Variants in PCDHA4 observed in about 807,000 individuals in gnomAD.
The protein encoded by PCDHA4 is protocadherin alpha 4, also known as protocadherin alpha-4.
PCDHA4 carries 49 observed loss-of-function variants against 61.4 expected under a neutral mutation model. The observed-to-expected ratio is 0.80, with a 90% CI of 0.63 to 1.01. PCDHA4 has a LOEUF of 1.01. Ranked by LOEUF, PCDHA4 falls within the 50% of genes least tolerant of loss-of-function variation. The pLI is 0.00. For synonymous variants in PCDHA4, 590 were observed against 550.3 expected (o/e 1.07, Z -1.01); for missense variants, 1,254 against 1,235.8 (o/e 1.01, Z -0.22).
At chr5:140,830,392 G>A (rs2150186002) in intron 1 of PCDHA4, 2 of 1,614,160 alleles carry the variant, frequency 1.2e-6, no homozygotes, top group South Asian at 1.1e-5. Context: ...CACCCAAGAT[G>A]GATCTCATGG....
At chr5:140,943,826 GA>G (rs1186583699) in intron 1 of PCDHA4, among the ~76,000 whole-genome samples, 5 of 152,198 alleles carry the variant, frequency 3.3e-5, no homozygotes, top group African/African-American at 1.2e-4. Flanking sequence ...AAAATGAGTT[GA>G]TTGAAGTTGT....
In PCDHA4 at chr5:140,807,736, A is replaced by G. The variant is rs1764020545; in HGVS notation, c.549A>G (p.Pro183=). The change falls in exon 1 of 4, where the codon CCA becomes CCG. Residue 183 remains proline (P), a synonymous_variant. Transcript: ENST00000530339. Reference sequence around the variant, plus strand: ...ATGAATACTTTTCTCTGGAAAAACCACCTGATGACGAGCTGGTAAAAGGTC... The same window carrying G: ...ATGAATACTTTTCTCTGGAAAAACCGCCTGATGACGAGCTGGTAAAAGGTC... The part of the protein sequence containing the change: ...SPNEYFSLEK[P]PDDELVKGLG... 6.2e-7 allele frequency: 1 copy of G among 1,614,186 alleles called. No individual in the cohort carries two copies. Among genetic ancestry groups the G allele is most frequent in the African/African-American group, 1.3e-5 (1 of 75,046 alleles).
chr5:140,956,009 C>G (rs1479377959), intron 1 of PCDHA4, among the ~76,000 whole-genome samples: 1 of 152,192 alleles, frequency 6.6e-6, no homozygotes, highest in Non-Finnish European at 1.5e-5. Context: ...TATCCTGAGA[C>G]TTTGCTGAAG....
intron 1 of PCDHA4, among the ~76,000 whole-genome samples, chr5:140,889,031 A>C (rs1234867332): frequency 6.6e-6 from 1 of 152,012 alleles, no homozygotes; most frequent in African/African-American, 2.4e-5. Flanking sequence ...GGATAACCGT[A>C]ATTTGATTAT....
intron 1 of PCDHA4, among the ~76,000 whole-genome samples, chr5:140,826,067 T>C (rs2150142384): frequency 9.2e-5 from 14 of 152,216 alleles, no homozygotes; most frequent in Non-Finnish European, 1.5e-4. Flanking sequence ...TTTATTCTCA[T>C]ATGCATTCAA....
At chr5:140,862,509 T>C in intron 1 of PCDHA4, 1 of 405,718 alleles carries the variant, frequency 2.5e-6, no homozygotes, top group Non-Finnish European at 5.0e-6. Context: ...GGGGACTCGC[T>C]TTCATTGTTG....
chr5:140,969,880 A>G (rs1365035569), intron 1 of PCDHA4, among the ~76,000 whole-genome samples: 2 of 152,238 alleles, frequency 1.3e-5, no homozygotes, highest in Non-Finnish European at 2.9e-5. Flanking sequence ...CCTATGTGAT[A>G]GGATCCTCTG....
chr5:140,923,142 T>C (rs553287064), intron 1 of PCDHA4, among the ~76,000 whole-genome samples: 9 of 152,006 alleles, frequency 5.9e-5, no homozygotes, highest in Non-Finnish European at 1.2e-4. Context: ...AGGTGGAATA[T>C]AAAAAAAATT....
intron 1 of PCDHA4, chr5:140,843,825 C>T: frequency 8.4e-7 from 1 of 1,188,044 alleles, no homozygotes; most frequent in Non-Finnish European, 1.2e-6. Flanking sequence ...AAAATTTAAA[C>T]ATTGTTTAGT....
chr5:140,842,284 C>T (rs2150333443), intron 1 of PCDHA4: 8 of 1,610,320 alleles, frequency 5.0e-6, no homozygotes, highest in Admixed American at 1.7e-5. Context: ...TCCTCATTGA[C>T]GCCACGGACA....
At chr5:140,875,457 G>T in intron 1 of PCDHA4, 3 of 1,595,968 alleles carry the variant, frequency 1.9e-6, no homozygotes, top group Non-Finnish European at 2.6e-6. Flanking sequence ...CAACTCAGAG[G>T]CCCTCATTTT....
intron 1 of PCDHA4, chr5:140,822,088 C>A (rs2150113619): frequency 6.2e-7 from 1 of 1,614,256 alleles, no homozygotes; most frequent in Non-Finnish European, 8.5e-7. Flanking sequence ...CAGCATCCAC[C>A]TGGAGGTGAT....
intron 1 of PCDHA4, chr5:140,870,919 CT>C (rs1562653796): frequency 5.6e-6 from 9 of 1,613,952 alleles, no homozygotes; most frequent in Non-Finnish European, 7.6e-6. Flanking sequence ...CAACGCGTGG[CT>C]TTCATATGAA....
At chr5:140,830,011 G>A (rs554678736) in intron 1 of PCDHA4, 2 of 1,613,794 alleles carry the variant, frequency 1.2e-6, no homozygotes, top group African/African-American at 1.3e-5. Flanking sequence ...TGGACGAAGC[G>A]GACTCTCCGC....
At chr5:141,002,232 A>G (rs2098067070) in intron 3 of PCDHA4, among the ~76,000 whole-genome samples, 2 of 152,226 alleles carry the variant, frequency 1.3e-5, no homozygotes, top group African/African-American at 4.8e-5. Flanking sequence ...GTTTTCTGGA[A>G]GCTCTTTATT....
At chr5:140,825,720 C>T (rs1554130338) in intron 1 of PCDHA4, 1 of 152,170 alleles carries the variant, frequency 6.6e-6, no homozygotes, top group African/African-American at 2.4e-5. Flanking sequence ...TCGCGCCTGG[C>T]CTAAATTATT....
Position 141,010,227 on chromosome 5 carries a change from C to T in PCDHA4, c.*290C>T. 6.4e-7 allele frequency: 1 copy of T among 1,551,876 alleles called. No homozygotes were observed. The highest frequency in any genetic ancestry group is 8.7e-7 in the Non-Finnish European group (1 of 1,147,036). On this transcript the variant is annotated 3_prime_UTR_variant, in exon 4 of 4. Coordinates refer to ENST00000530339, the MANE Select transcript of PCDHA4 (RefSeq NM_018907.4). ...GCCGCAAAGGAGAGGCTTCCCAGCC[C>T]CGCCAGTGAGAGGTTGGACTCTCTG...
chr5:140,829,207 T>C, intron 1 of PCDHA4: 2 of 1,614,192 alleles, frequency 1.2e-6, no homozygotes, highest in Non-Finnish European at 1.7e-6. Flanking sequence ...TCGCCCTAAT[T>C]AGCGTGAACG....
At chr5:140,942,434 T>C (rs2093297092) in intron 1 of PCDHA4, among the ~76,000 whole-genome samples, 1 of 151,244 alleles carries the variant, frequency 6.6e-6, no homozygotes, top group African/African-American at 2.4e-5. Flanking sequence ...TATCTAACAA[T>C]AAACAAGTAA....
Sources: allele counts gnomAD v4.1 joint callset (sites outside exome capture counted in the v4.1 genomes callset), GRCh38; gene constraint gnomAD v4.1.1; transcripts MANE v1.5; gene names NCBI Gene and HGNC (gene_info 2026-07-23, HGNC 2026-07-21).